CPE: variants seen among roughly 807,000 people sequenced by gnomAD.
CPE encodes carboxypeptidase E.
A neutral mutation model predicts 53.5 loss-of-function variants in CPE; 17 were observed. That is an observed-to-expected ratio of 0.32 (90% CI 0.22 to 0.48). The LOEUF (loss-of-function observed/expected upper bound fraction) is 0.48. Among genes scored for constraint, CPE ranks in the 20% least tolerant of loss-of-function variants. The probability of loss-of-function intolerance (pLI) is 0.99; values close to 1 mark genes in which losing one functional copy is unlikely to be tolerated. For synonymous variants in CPE, 226 were observed against 228.8 expected, an observed-to-expected ratio of 0.99 and a Z score of 0.11; for missense variants, 524 against 614.7, an observed-to-expected ratio of 0.85 and a Z score of 1.56.
rs1173355417 is a variant in CPE, at chr4:165,487,580, A to G, written c.1113+3A>G. On this transcript the variant is annotated splice_donor_region_variant and intron_variant, in intron 6 of 8. Coordinates refer to ENST00000402744, the MANE Select transcript of CPE (RefSeq NM_001873.4). ...CCCTCATTAGCTACCTTGAGCAGGT[A>G]AACACAGTCCCCAGCATAAAAATGC... 3 of 1,613,864 alleles carry G rather than the reference A, an allele frequency of 1.9e-6. No individual in the cohort carries two copies. Among genetic ancestry groups the G allele is most frequent in the African/African-American group, 1.3e-5 (1 of 74,914 alleles).
chr4:165,417,776 TAA>T (rs1202386046), intron 1 of CPE, among the ~76,000 whole-genome samples: 13 of 127,178 alleles, frequency 1.0e-4, no homozygotes, highest in African/African-American at 1.4e-4. Context: ...TTGTCTGTCT[TAA>T]AAAAAAAAAA....
intron 1 of CPE, chr4:165,406,214 G>T: frequency 1.5e-6 from 1 of 667,174 alleles, no homozygotes; most frequent in South Asian, 1.4e-5. Context: ...CATCCCCTTT[G>T]ACTCCATAGT....
chr4:165,468,979 C>G (rs1414242675), intron 3 of CPE, among the ~76,000 whole-genome samples: 1 of 152,200 alleles, frequency 6.6e-6, no homozygotes, highest in Non-Finnish European at 1.5e-5. Flanking sequence ...CCTCTCTGTG[C>G]TTCAGGTTCT....
chr4:165,454,667 CA>C (rs534216435), intron 1 of CPE, among the ~76,000 whole-genome samples: 3 of 152,294 alleles, frequency 2.0e-5, no homozygotes, highest in African/African-American at 7.2e-5. Context: ...GCTGTTCATT[CA>C]TGGGCATAAA....
intron 1 of CPE, among the ~76,000 whole-genome samples, chr4:165,450,880 C>T (rs1731796096): frequency 6.6e-6 from 1 of 152,162 alleles, no homozygotes; most frequent in African/African-American, 2.4e-5. Context: ...AAAAAGCACT[C>T]AAGTTTTTGT....
chr4:165,426,777 T>G (rs1044025217), intron 1 of CPE, among the ~76,000 whole-genome samples: 2 of 152,216 alleles, frequency 1.3e-5, no homozygotes, highest in Non-Finnish European at 2.9e-5. Context: ...CACTACAATG[T>G]AGCAGTCTCT....
rs372040592 is a variant in CPE at position 165,415,084 on chromosome 4, C to T, written c.307+35556C>T. 13 of 166,068 alleles carry T rather than the reference C, an allele frequency of 7.8e-5. 1 individual carries two copies. The highest frequency in any genetic ancestry group is 3.3e-4 in the Admixed American group (5 of 15,290). The allele number at this position is 166,068 out of a possible 1,614,324, so 10.3% of individuals were successfully genotyped here. A position where few individuals can be genotyped will look rare whatever the true frequency, so the allele number is the denominator to read the frequency against. The stretch of plus-strand genomic sequence containing the variant: ...CTCCTTAGCCTTGCTGCTGACAAAT[C>T]ATAAATAGATATAATTAATGAAAAT... On this transcript the variant is annotated intron_variant, in intron 1 of 8. Coordinates refer to ENST00000402744, the MANE Select transcript of CPE (RefSeq NM_001873.4).
chr4:165,449,653 G>A (rs961513959), intron 1 of CPE, among the ~76,000 whole-genome samples: 7 of 151,956 alleles, frequency 4.6e-5, no homozygotes, highest in African/African-American at 1.7e-4. Flanking sequence ...AGCTGTTTAG[G>A]TTTTTGTTTA....
At chr4:165,405,836 TC>T in intron 1 of CPE, 1 of 748,156 alleles carries the variant, frequency 1.3e-6, no homozygotes. Context: ...CCTGGTAAGA[TC>T]CCCAGCAAGA....
intron 1 of CPE, among the ~76,000 whole-genome samples, chr4:165,407,859 C>CTT (rs35254759): frequency 3.3e-4 from 48 of 144,728 alleles, no homozygotes; most frequent in Middle Eastern, 3.6e-3. Context: ...CCCGACCCAA[C>CTT]TTTTTTTTTT....
At chr4:165,484,266 ATTAT>A (rs1258486909) in intron 4 of CPE, among the ~76,000 whole-genome samples, 152 bp from the exon 5 acceptor site, 1 of 152,320 alleles carries the variant, frequency 6.6e-6, no homozygotes, top group East Asian at 1.9e-4. Flanking sequence ...ACTAAGTGTA[ATTAT>A]TTAGTATTTA....
chr4:165,472,735 A>T (rs1732230774), intron 3 of CPE, among the ~76,000 whole-genome samples: 1 of 152,190 alleles, frequency 6.6e-6, no homozygotes, highest in South Asian at 2.1e-4. Context: ...TAACTTTAAA[A>T]AATCCTTTAA....
intron 1 of CPE, among the ~76,000 whole-genome samples, chr4:165,427,217 C>G (rs1731335835): frequency 6.6e-6 from 1 of 152,306 alleles, no homozygotes; most frequent in East Asian, 1.9e-4. Context: ...TCTGTGCCTG[C>G]AGCTTGATTT....
chr4:165,404,368 A>G (rs1730919850), intron 1 of CPE: 1 of 769,578 alleles, frequency 1.3e-6, no homozygotes. Flanking sequence ...CTTCAGACTT[A>G]GGAGGCATCT....
intron 3 of CPE, among the ~76,000 whole-genome samples, chr4:165,479,729 A>G (rs1019358570): frequency 5.9e-5 from 9 of 152,158 alleles, no homozygotes; most frequent in Admixed American, 2.0e-4. Context: ...AAGAAAAGCT[A>G]TGCATTTCTC....
intron 1 of CPE, among the ~76,000 whole-genome samples, chr4:165,416,847 C>T (rs1039522386): frequency 6.6e-6 from 1 of 151,850 alleles, no homozygotes; most frequent in Non-Finnish European, 1.5e-5. Context: ...ACTGTATTCT[C>T]ATCAGCTTGG....
chr4:165,422,357 T>TTTTCC (rs1254899317), intron 1 of CPE, among the ~76,000 whole-genome samples: 1 of 151,794 alleles, frequency 6.6e-6, no homozygotes, highest in Non-Finnish European at 1.5e-5. Flanking sequence ...TTAAGGAATC[T>TTTTCC]TCTCTTTACA....
At chr4:165,484,289 C>A in intron 4 of CPE, 133 bp from the exon 5 acceptor site, 2 of 791,968 alleles carry the variant, frequency 2.5e-6, no homozygotes, top group East Asian at 2.7e-5. Context: ...TAAATTTTAC[C>A]TCTTTCCCAT....
intron 1 of CPE, among the ~76,000 whole-genome samples, chr4:165,399,735 G>C (rs1408655314): frequency 6.6e-6 from 1 of 152,142 alleles, no homozygotes; most frequent in Non-Finnish European, 1.5e-5. Context: ...CATATGTTAT[G>C]ATAAGATAGA....
Sources: gnomAD v4.1 joint callset for allele counts (sites outside exome capture counted in the v4.1 genomes callset) on GRCh38, gnomAD v4.1.1 for gene constraint, MANE v1.5 for transcripts, NCBI Gene and HGNC (gene_info 2026-07-23, HGNC 2026-07-21) for gene names.